The following CSE1L variants were observed in gnomAD, a reference collection of about 807,000 sequenced individuals.
The protein encoded by CSE1L is chromosome segregation 1 like.
Under a neutral mutation model 120.4 loss-of-function variants are expected in CSE1L, and 24 were observed. The observed-to-expected ratio is 0.20, with a 90% CI of 0.14 to 0.28. The LOEUF is 0.28. Among genes scored for constraint, CSE1L ranks in the 10% least tolerant of loss-of-function variants. The probability of loss-of-function intolerance (pLI) is 1.00; values close to 1 mark genes in which losing one functional copy is unlikely to be tolerated. For missense variants in CSE1L, 830 were observed against 1,145.2 expected (o/e 0.72, Z 3.97); for synonymous variants, 402 against 398.3 (o/e 1.01, Z -0.11).
intron 2 of CSE1L, among the ~76,000 whole-genome samples, chr20:49,059,554 G>A (rs961680699): frequency 3.3e-5 from 5 of 152,072 alleles, no homozygotes; most frequent in Admixed American, 3.3e-4. Context: ...TATATGAAGT[G>A]CCCTCATTTT....
chr20:49,084,190 G>C, intron 15 of CSE1L, 28 bp downstream of exon 15: 1 of 1,612,032 alleles, frequency 6.2e-7, no homozygotes, highest in Non-Finnish European at 8.5e-7. Context: ...AAGTTTTTTA[G>C]CCTGGGGTAG....
At chr20:49,084,449 T>G (rs2092037808) in intron 15 of CSE1L, among the ~76,000 whole-genome samples, 1 of 152,080 alleles carries the variant, frequency 6.6e-6, no homozygotes. Context: ...ACTCCAAATT[T>G]TATTTGGAGT....
intron 19 of CSE1L, 86 bp from the exon 20 acceptor site, chr20:49,090,656 A>G (rs2092094126): frequency 1.0e-6 from 1 of 965,798 alleles, no homozygotes; most frequent in Non-Finnish European, 1.7e-6. Flanking sequence ...TACAGTATGA[A>G]CTCTGTTTTA....
chr20:49,090,452 A>T (rs181747507), intron 19 of CSE1L, among the ~76,000 whole-genome samples: 11 of 152,244 alleles, frequency 7.2e-5, no homozygotes, highest in African/African-American at 2.6e-4. Flanking sequence ...GCTACTCAGA[A>T]GGCTGAGGCA....
chr20:49,047,298 T>C (rs1025414960), intron 1 of CSE1L, among the ~76,000 whole-genome samples: 3 of 152,226 alleles, frequency 2.0e-5, no homozygotes, highest in African/African-American at 7.2e-5. Flanking sequence ...CGCTGAGTTA[T>C]TTACCGTGGT....
At chr20:49,091,620 G>C (rs1257959172) in intron 21 of CSE1L, among the ~76,000 whole-genome samples, 1 of 152,158 alleles carries the variant, frequency 6.6e-6, no homozygotes. Context: ...CTACTCAGGA[G>C]GCTGAGGTGG....
At chr20:49,055,379 C>T (rs1373708606) in intron 1 of CSE1L, among the ~76,000 whole-genome samples, 2 of 152,038 alleles carry the variant, frequency 1.3e-5, no homozygotes, top group Non-Finnish European at 2.9e-5. Flanking sequence ...TACAGAAGCT[C>T]CTTCTAGGAC....
chr20:49,086,141 C>T (rs1049076551), intron 16 of CSE1L, among the ~76,000 whole-genome samples: 1 of 152,034 alleles, frequency 6.6e-6, no homozygotes, highest in African/African-American at 2.4e-5. Context: ...TGTCCTGGTG[C>T]CAGCTCTGAA....
Position 49,077,047 on chromosome 20 carries a change from A to G in CSE1L, c.1403A>G (p.Asp468Gly). The part of the protein sequence containing the change: ...TEFFVNHILP[D>G]LKSANVNEFP... Reference sequence around the variant, plus strand: ...TTCTTTGTGAATCACATCCTCCCTGATTTAAAATCAGCTAATGGTGAGTTG... The same window carrying G: ...TTCTTTGTGAATCACATCCTCCCTGGTTTAAAATCAGCTAATGGTGAGTTG... Residue 468 changes from aspartate to glycine, a missense_variant, in exon 13 of 25, where the codon GAT becomes GGT. Asp to Gly is a moderately conservative substitution (Grantham distance 94, BLOSUM62 -1). Coordinates refer to ENST00000262982, the MANE Select transcript of CSE1L (RefSeq NM_001316.4). 6.2e-7 allele frequency: 1 copy of G among 1,606,928 alleles called. No homozygotes were observed. Among genetic ancestry groups the G allele is most frequent in the Non-Finnish European group, 8.5e-7 (1 of 1,177,010 alleles).
rs374381262 is a variant in CSE1L, at chr20:49,072,585, T to A, written c.954T>A (p.Ile318=). 4 of 1,611,142 alleles carry A rather than the reference T, an allele frequency of 2.5e-6. No individual in the cohort carries two copies. Among genetic ancestry groups the A allele is most frequent in the African/African-American group, 2.7e-5 (2 of 74,926 alleles). The change falls in exon 10 of 25, where the codon ATT becomes ATA. Residue 318 remains isoleucine, a synonymous_variant. Coordinates refer to ENST00000262982, the MANE Select transcript of CSE1L (RefSeq NM_001316.4). ...TGTTCCAGTTGGTAAGTAATGCAAT[T>A]CAATTTCTGGCTTCAGTTTGTGAGA... ...VKYDLLVSNA[I]QFLASVCERP...
At chr20:49,093,178 G>A (rs983618593) in intron 22 of CSE1L, among the ~76,000 whole-genome samples, 5 of 152,182 alleles carry the variant, frequency 3.3e-5, no homozygotes, top group South Asian at 2.1e-4. Flanking sequence ...CATGGCTTCC[G>A]GCAGTAGGGG....
intron 22 of CSE1L, among the ~76,000 whole-genome samples, chr20:49,093,581 CT>C (rs34055967): frequency 0.6 from 62,259 of 104,218 alleles, 14,763 homozygotes; most frequent in Middle Eastern, 0.73. Flanking sequence ...TTTTTTTTTT[CT>C]TTTTTTTTTT....
intron 10 of CSE1L, 92 bp from the exon 11 acceptor site, chr20:49,074,693 C>A: frequency 1.0e-6 from 1 of 962,344 alleles, no homozygotes; most frequent in Non-Finnish European, 1.6e-6. Context: ...TGCTGTAGAA[C>A]AAGGCAGTTT....
chr20:49,054,502 C>T (rs1325750969), intron 1 of CSE1L, among the ~76,000 whole-genome samples: 4 of 152,118 alleles, frequency 2.6e-5, no homozygotes, highest in East Asian at 1.9e-4. Context: ...GGTAGACCTA[C>T]GGAGTTGGAC....
chr20:49,077,483 ATC>A (rs1284095528), intron 13 of CSE1L, among the ~76,000 whole-genome samples: 2 of 152,152 alleles, frequency 1.3e-5, no homozygotes, highest in Non-Finnish European at 2.9e-5. Flanking sequence ...ATTGAATAAA[ATC>A]TCAAATGGTT....
intron 24 of CSE1L, chr20:49,096,129 C>G (rs1389848253): frequency 1.0e-5 from 7 of 687,872 alleles, no homozygotes; most frequent in Non-Finnish European, 1.9e-5. Context: ...ACCACAATAC[C>G]ACTATCACAC....
chr20:49,050,592 G>A (rs1471252254), intron 1 of CSE1L, among the ~76,000 whole-genome samples: 4 of 149,912 alleles, frequency 2.7e-5, no homozygotes, highest in Non-Finnish European at 5.9e-5. Flanking sequence ...TGTATTTTTA[G>A]TAGAGACGGG....
intron 16 of CSE1L, 123 bp from the exon 17 acceptor site, chr20:49,087,886 C>T (rs539837551): frequency 2.0e-4 from 122 of 611,368 alleles, no homozygotes; most frequent in Admixed American, 2.0e-4. Flanking sequence ...AGAGCTATCT[C>T]GGGGTTGTCT....
At chr20:49,081,882 C>G (rs1043678528) in intron 14 of CSE1L, among the ~76,000 whole-genome samples, 3 of 152,046 alleles carry the variant, frequency 2.0e-5, no homozygotes, top group African/African-American at 7.3e-5. Context: ...TGAAATAATC[C>G]TCACAAATCT....
Sources: allele counts gnomAD v4.1 joint callset (sites outside exome capture counted in the v4.1 genomes callset), GRCh38; gene constraint gnomAD v4.1.1; transcripts MANE v1.5; gene names NCBI Gene and HGNC (gene_info 2026-07-23, HGNC 2026-07-21).